PCLO: variants seen among roughly 807,000 people sequenced by gnomAD.
PCLO encodes piccolo presynaptic cytomatrix protein.
In PCLO, 82 loss-of-function variants were observed where a neutral mutation model predicts 427.5. The ratio of observed to expected loss-of-function variants is 0.19; its 90% CI spans 0.16 to 0.23. The LOEUF is 0.23. Among genes scored for constraint, PCLO ranks in the 10% least tolerant of loss-of-function variants. The pLI is 1.00. For missense variants in PCLO, 6,239 were observed against 6,115.9 expected (o/e 1.02, Z -0.67); for synonymous variants, 2,357 against 2,155.4 (o/e 1.09, Z -2.59).
chr7:82,853,552 A>G (rs1223031879), intron 10 of PCLO, among the ~76,000 whole-genome samples: 2 of 152,284 alleles, frequency 1.3e-5, no homozygotes, highest in East Asian at 3.9e-4. Context: ...CCCAATAACT[A>G]TAGGAATAAG....
rs1174288538 is a variant in PCLO at position 82,950,411 on chromosome 7, T to C, written c.10177A>G (p.Thr3393Ala). ...QYIAPPGILS[T>A]VSEIPLTDVV... Reference sequence around the variant, plus strand: ...TCTGTTAGAGGTATTTCTGAAACAGTGCTCAGGATACCAGGTGGGGCAATG... The same window carrying C: ...TCTGTTAGAGGTATTTCTGAAACAGCGCTCAGGATACCAGGTGGGGCAATG... The change falls in exon 6 of 25, where the codon ACT (threonine) becomes GCT (alanine). Residue 3393 changes from threonine to alanine, a missense_variant. Transcript: ENST00000333891. 2 of 1,613,688 alleles carry C rather than the reference T, an allele frequency of 1.2e-6. No homozygotes were observed. Among genetic ancestry groups the C allele is most frequent in the African/African-American group, 1.3e-5 (1 of 74,852 alleles).
intron 3 of PCLO, among the ~76,000 whole-genome samples, chr7:83,044,383 T>G (rs1436783316): frequency 3.9e-5 from 6 of 152,304 alleles, no homozygotes; most frequent in African/African-American, 1.2e-4. Flanking sequence ...TTATTTCAAT[T>G]TGGTAACTAA....
intron 3 of PCLO, among the ~76,000 whole-genome samples, chr7:83,119,717 A>G (rs1184381903): frequency 1.3e-5 from 2 of 152,040 alleles, no homozygotes; most frequent in African/African-American, 4.8e-5. Context: ...CTAATCCTGG[A>G]GCAACAGAGA....
At chr7:83,115,860 C>T (rs1375032646) in intron 3 of PCLO, among the ~76,000 whole-genome samples, 1 of 151,922 alleles carries the variant, frequency 6.6e-6, no homozygotes, top group African/African-American at 2.4e-5. Flanking sequence ...CATATCATCC[C>T]CCCAAATTAA....
chr7:82,790,992 C>T (rs1791089725), intron 22 of PCLO, among the ~76,000 whole-genome samples: 1 of 152,114 alleles, frequency 6.6e-6, no homozygotes, highest in Admixed American at 6.6e-5. Flanking sequence ...TTGGTTTAGC[C>T]TTTGGTTTCT....
chr7:82,942,554 C>A (rs932402493), intron 6 of PCLO, among the ~76,000 whole-genome samples: 8 of 152,084 alleles, frequency 5.3e-5, no homozygotes, highest in African/African-American at 1.7e-4. Context: ...CTACCGAATA[C>A]TAAATTGCTG....
chr7:82,862,606 C>A (rs1428017381), intron 10 of PCLO, among the ~76,000 whole-genome samples: 1 of 140,586 alleles, frequency 7.1e-6, no homozygotes, highest in Non-Finnish European at 1.5e-5. Context: ...AGCAACCTAA[C>A]TGTCCATCAA....
chr7:82,961,749 T>C (rs1359962712), intron 4 of PCLO, among the ~76,000 whole-genome samples: 2 of 152,184 alleles, frequency 1.3e-5, no homozygotes, highest in Non-Finnish European at 2.9e-5. Context: ...CAACCAACTA[T>C]AAAGAGAAGT....
intron 10 of PCLO, among the ~76,000 whole-genome samples, chr7:82,860,191 T>G (rs781565923): frequency 1.3e-4 from 20 of 151,872 alleles, no homozygotes; most frequent in Non-Finnish European, 1.9e-4. Flanking sequence ...GTCCCAAACC[T>G]AGAGAAATAT....
At chr7:82,903,835 T>C (rs2116203057) in intron 8 of PCLO, among the ~76,000 whole-genome samples, 1 of 152,066 alleles carries the variant, frequency 6.6e-6, no homozygotes, top group African/African-American at 2.4e-5. Context: ...GAGGTATACA[T>C]TTTGTGAAGA....
chr7:83,070,910 A>G (rs1470288929), intron 3 of PCLO, among the ~76,000 whole-genome samples: 2 of 152,176 alleles, frequency 1.3e-5, no homozygotes, highest in South Asian at 4.1e-4. Flanking sequence ...AAAGTCTAAT[A>G]TTATTTATCA....
intron 10 of PCLO, among the ~76,000 whole-genome samples, chr7:82,850,836 C>T (rs1327414975): frequency 2.6e-5 from 4 of 152,044 alleles, no homozygotes; most frequent in Admixed American, 2.6e-4. Context: ...TACTAGAAAA[C>T]AATTGGAAAT....
intron 3 of PCLO, among the ~76,000 whole-genome samples, chr7:83,048,361 C>T (rs1789152272): frequency 6.6e-6 from 1 of 151,980 alleles, no homozygotes; most frequent in African/African-American, 2.4e-5. Context: ...ACTTTGAAGG[C>T]CAGATCAGTT....
At chr7:82,942,697 T>G (rs73173217) in intron 6 of PCLO, among the ~76,000 whole-genome samples, 1 of 152,232 alleles carries the variant, frequency 6.6e-6, no homozygotes, top group Non-Finnish European at 1.5e-5. Flanking sequence ...ACATTTATTT[T>G]GAAAAATACT....
intron 10 of PCLO, among the ~76,000 whole-genome samples, chr7:82,849,747 C>A (rs1562817262): frequency 6.6e-6 from 1 of 151,928 alleles, no homozygotes; most frequent in Admixed American, 6.6e-5. Flanking sequence ...TTATTATGAT[C>A]TGTGGATGTT....
At chr7:83,121,201 A>C (rs1025140275) in intron 3 of PCLO, among the ~76,000 whole-genome samples, 3 of 152,158 alleles carry the variant, frequency 2.0e-5, no homozygotes, top group African/African-American at 7.2e-5. Context: ...AAATAGAAAC[A>C]ATAAGTTAAA....
chr7:82,772,421 C>T (rs1405541781), intron 22 of PCLO, among the ~76,000 whole-genome samples: 2 of 152,164 alleles, frequency 1.3e-5, no homozygotes, highest in South Asian at 2.1e-4. Flanking sequence ...AGCACATTCT[C>T]ATGTTTTAGG....
At chr7:82,837,238 T>C (rs1052740702) in intron 15 of PCLO, among the ~76,000 whole-genome samples, 1 of 152,038 alleles carries the variant, frequency 6.6e-6, no homozygotes, top group African/African-American at 2.4e-5. Flanking sequence ...AAAAGAAACA[T>C]GATTGGTCAC....
At chr7:83,058,303 T>G (rs531179638) in intron 3 of PCLO, among the ~76,000 whole-genome samples, 11 of 152,164 alleles carry the variant, frequency 7.2e-5, no homozygotes, top group Non-Finnish European at 1.6e-4. Flanking sequence ...TGAAACAGCA[T>G]CCTCTGCCAA....
Sources: allele counts gnomAD v4.1 joint callset (sites outside exome capture counted in the v4.1 genomes callset), GRCh38; gene constraint gnomAD v4.1.1; transcripts MANE v1.5; gene names NCBI Gene and HGNC (gene_info 2026-07-23, HGNC 2026-07-21).